AXDND1: variants seen among roughly 807,000 people sequenced by gnomAD.
AXDND1 encodes the protein axonemal dynein light chain domain containing 1.
In AXDND1, 110 loss-of-function variants were observed where a neutral mutation model predicts 137.5. The ratio of observed to expected loss-of-function variants is 0.80; its 90% confidence interval spans 0.69 to 0.94. The LOEUF (loss-of-function observed/expected upper bound fraction) is 0.94. Among genes scored for constraint, AXDND1 ranks in the 40% least tolerant of loss-of-function variants. The probability of loss-of-function intolerance (pLI) is 0.00; values close to 1 mark genes in which losing one functional copy is unlikely to be tolerated. For missense variants in AXDND1, 1,191 were observed against 1,169.8 expected (o/e 1.02, Z -0.26); for synonymous variants, 414 against 399.7 (o/e 1.04, Z -0.43).
rs1247054320 is a variant in AXDND1 at position 179,441,875 on chromosome 1, G to A, written c.1564-3095G>A. 2.0e-5 allele frequency among the ~76,000 whole-genome samples: 3 copies of A among 152,190 alleles called. No homozygotes were observed. In the East Asian group the frequency reaches 5.8e-4, roughly 29 times the overall value. ...TCTTGCCAATTTAAATTCCATATCA[G>A]ATATGCGCTAGCAGACAAGCAAGTT... On this transcript the variant is annotated intron_variant, in intron 15 of 25. Coordinates refer to ENST00000367618, the MANE Select transcript of AXDND1 (RefSeq NM_144696.6).
chr1:179,396,230 T>C (rs1214693038), intron 11 of AXDND1, among the ~76,000 whole-genome samples: 1 of 151,844 alleles, frequency 6.6e-6, no homozygotes, highest in African/African-American at 2.4e-5. Flanking sequence ...CATCTATATC[T>C]ATGTCTGTAT....
At chr1:179,518,932 A>T (rs1345781579) in intron 21 of AXDND1, among the ~76,000 whole-genome samples, 1 of 152,138 alleles carries the variant, frequency 6.6e-6, no homozygotes, top group Non-Finnish European at 1.5e-5. Flanking sequence ...GTCAAATGAT[A>T]TTTCTGTCTT....
At chr1:179,418,685 C>T (rs1655113243) in intron 12 of AXDND1, among the ~76,000 whole-genome samples, 1 of 151,316 alleles carries the variant, frequency 6.6e-6, no homozygotes, top group South Asian at 2.1e-4. Context: ...CACCACCTCC[C>T]TCCCGGACGG....
intron 11 of AXDND1, among the ~76,000 whole-genome samples, chr1:179,408,502 A>T (rs983655244): frequency 2.6e-5 from 4 of 151,876 alleles, no homozygotes; most frequent in African/African-American, 7.3e-5. Flanking sequence ...TCAGCCTCCC[A>T]AGTAGCTGGG....
intron 9 of AXDND1, among the ~76,000 whole-genome samples, chr1:179,386,159 C>A (rs1028398990): frequency 6.9e-6 from 1 of 144,474 alleles, no homozygotes; most frequent in Non-Finnish European, 1.5e-5. Context: ...TCAAGCAATT[C>A]TCCTGCCTCA....
intron 17 of AXDND1, among the ~76,000 whole-genome samples, chr1:179,474,950 G>A (rs113769280): frequency 9.2e-5 from 14 of 152,304 alleles, no homozygotes; most frequent in African/African-American, 3.1e-4. Flanking sequence ...GTGAAGCCTT[G>A]GGACATGGCG....
chr1:179,436,834 A>G (rs1658222439), intron 15 of AXDND1, among the ~76,000 whole-genome samples: 2 of 152,058 alleles, frequency 1.3e-5, no homozygotes, highest in Non-Finnish European at 2.9e-5. Flanking sequence ...CATTCTGCAC[A>G]TGTATCCCCA....
In AXDND1 at chr1:179,383,446, C is replaced by A; in HGVS notation, c.643C>A (p.Pro215Thr). 1 of 1,612,046 alleles carries A rather than the reference C, an allele frequency of 6.2e-7. No individual in the cohort carries two copies. Among genetic ancestry groups the A allele is most frequent in the East Asian group, 2.2e-5 (1 of 44,854 alleles). ...TCTGCCACCTTAATTTTTTAGGAAA[C>A]CTAATAAAAGAGTAGAAGTGGCCCA... ...NRLLLFPSMK[P>T]NKRVEVAQLN... Residue 215 changes from proline to threonine, a missense_variant, in exon 8 of 26, where the codon CCT becomes ACT. Pro to Thr is a conservative substitution (Grantham distance 38). Coordinates refer to ENST00000367618, the MANE Select transcript of AXDND1 (RefSeq NM_144696.6).
At chr1:179,512,275 A>C (rs1216089771) in intron 21 of AXDND1, among the ~76,000 whole-genome samples, 3 of 152,172 alleles carry the variant, frequency 2.0e-5, no homozygotes, top group African/African-American at 4.8e-5. Context: ...TCGTTCTCCT[A>C]CATGTGGCTA....
chr1:179,474,590 CT>C lies in AXDND1; in HGVS notation c.1997+5950del, dbSNP rs546233782. Among the ~76,000 whole-genome samples, 40 of 152,298 alleles carry C rather than the reference CT, an allele frequency of 2.6e-4. No homozygotes were observed. In the East Asian group the frequency reaches 4.6e-3, roughly 18 times the overall value. On this transcript the variant is annotated intron_variant, in intron 17 of 25. Transcript: ENST00000367618. ...TAAAGAGACTGGTGGCATTTTGACT[CT>C]GCCCTAGAAATCTGAGGAACTTTGA...
At chr1:179,376,925 AT>A (rs1647359572) in intron 4 of AXDND1, among the ~76,000 whole-genome samples, 1 of 151,046 alleles carries the variant, frequency 6.6e-6, no homozygotes, top group Non-Finnish European at 1.5e-5. Flanking sequence ...CCCAAATTTA[AT>A]AATGTAGTTT....
chr1:179,436,075 C>G (rs576561950), intron 15 of AXDND1, among the ~76,000 whole-genome samples: 1 of 151,418 alleles, frequency 6.6e-6, no homozygotes, highest in South Asian at 2.1e-4. Context: ...ATGTGGCCAA[C>G]AAACATGAAG....
intron 16 of AXDND1, among the ~76,000 whole-genome samples, chr1:179,464,601 G>T (rs933672492): frequency 6.6e-6 from 1 of 152,036 alleles, no homozygotes; most frequent in African/African-American, 2.4e-5. Context: ...TTTTGGAGTT[G>T]CTCTTCTCGA....
chr1:179,398,259 C>A (rs1651373665), intron 11 of AXDND1, among the ~76,000 whole-genome samples: 1 of 152,100 alleles, frequency 6.6e-6, no homozygotes, highest in African/African-American at 2.4e-5. Context: ...TCTAGGGGGC[C>A]AACGCTCAGC....
At chr1:179,528,297 C>A in intron 22 of AXDND1, 30 bp from the exon 23 acceptor site, 2 of 1,541,810 alleles carry the variant, frequency 1.3e-6, no homozygotes, top group Non-Finnish European at 9.0e-7. Flanking sequence ...CACCAGCTTG[C>A]TAACAGGTCC....
At chr1:179,455,642 G>T (rs1661286756) in intron 16 of AXDND1, 1 of 149,248 alleles carries the variant, frequency 6.7e-6, no homozygotes, top group Admixed American at 6.7e-5. Flanking sequence ...GAAGATACTA[G>T]TATATGTGTT....
chr1:179,446,626 G>A (rs1431818693), intron 16 of AXDND1, among the ~76,000 whole-genome samples: 2 of 152,146 alleles, frequency 1.3e-5, no homozygotes, highest in Non-Finnish European at 2.9e-5. Flanking sequence ...TCCATTAGTA[G>A]CTAGGTCTAA....
chr1:179,467,466 A>G lies in AXDND1; in HGVS notation c.1799-977A>G, dbSNP rs900498594. On this transcript the variant is annotated intron_variant, in intron 16 of 25. Coordinates refer to ENST00000367618, the MANE Select transcript of AXDND1 (RefSeq NM_144696.6). ...TATAGTATAATAAATATCACATAAC[A>G]TCTGCATTGTATTAGGTTATATAAG... 2.0e-5 allele frequency among the ~76,000 whole-genome samples: 3 copies of G among 152,226 alleles called. No individual in the cohort carries two copies. The East Asian group carries it at 5.8e-4, about 29-fold the overall frequency.
intron 11 of AXDND1, among the ~76,000 whole-genome samples, chr1:179,396,194 A>C (rs1409298197): frequency 6.6e-6 from 1 of 151,804 alleles, no homozygotes; most frequent in Non-Finnish European, 1.5e-5. Flanking sequence ...AAAAAAAAGA[A>C]AAATATTTGG....
Sources: gnomAD v4.1 joint callset for allele counts (sites outside exome capture counted in the v4.1 genomes callset) on GRCh38, gnomAD v4.1.1 for gene constraint, MANE v1.5 for transcripts, NCBI Gene and HGNC (gene_info 2026-07-23, HGNC 2026-07-21) for gene names.